TBL1XR1: variants seen among roughly 807,000 people sequenced by gnomAD.
TBL1XR1 encodes the protein TBL1X/Y related 1.
In TBL1XR1, 5 loss-of-function variants were observed where a neutral mutation model predicts 66.9. That is an observed-to-expected ratio of 0.07 (90% CI 0.04 to 0.16). The LOEUF (loss-of-function observed/expected upper bound fraction) is 0.16. TBL1XR1 is among the 10% of genes least tolerant of loss of function. The probability of loss-of-function intolerance (pLI) is 1.00; values close to 1 mark genes in which losing one functional copy is unlikely to be tolerated. For missense variants in TBL1XR1, 238 were observed against 623.2 expected (o/e 0.38, Z 6.58); for synonymous variants, 210 against 206.0 (o/e 1.02, Z -0.17).
rs985105715 is a variant in TBL1XR1 at position 177,098,446 on chromosome 3, T to C, written c.-46+20A>G. 1.1e-4 allele frequency: 105 copies of C among 982,402 alleles called. No homozygotes were observed. Among genetic ancestry groups the C allele is most frequent in the Admixed American group, 2.5e-4 (4 of 16,244 alleles). 60.9% of individuals were successfully genotyped at this position (982,402 alleles called of 1,614,324 possible). ...ACAAGAGAATAAGAAACACTGACAT[T>C]GGGAGTTGGAGAGTCTTACCATTGG... On this transcript the variant is annotated intron_variant, in intron 2 of 15. Coordinates refer to ENST00000457928, the MANE Select transcript of TBL1XR1 (RefSeq NM_024665.7).
chr3:177,049,433 T>C (rs930480409), intron 7 of TBL1XR1, among the ~76,000 whole-genome samples: 2 of 152,196 alleles, frequency 1.3e-5, no homozygotes, highest in Non-Finnish European at 2.9e-5. Flanking sequence ...CAAGTTGTCC[T>C]GAAAGATGTT....
chr3:177,047,468 G>A lies in TBL1XR1; in HGVS notation c.766+18C>T, dbSNP rs776702674. On this transcript the variant is annotated intron_variant, in intron 8 of 15. Transcript: ENST00000457928. ...CTTTAGATCAACAACAAAGTAAAAA[G>A]GAAAATGCTTCATTTACCATCTTTA... The A allele has an allele frequency of 6.2e-7, 1 of 1,611,276 alleles. No homozygotes were observed. Among genetic ancestry groups the A allele is most frequent in the South Asian group, 1.1e-5 (1 of 90,648 alleles).
intron 2 of TBL1XR1, among the ~76,000 whole-genome samples, chr3:177,084,555 T>G (rs1168037877): frequency 6.6e-6 from 1 of 152,260 alleles, no homozygotes; most frequent in African/African-American, 2.4e-5. Flanking sequence ...ATCCTTTTTC[T>G]TGGTTTATAG....
At chr3:177,131,674 G>C (rs1023909769) in intron 1 of TBL1XR1, among the ~76,000 whole-genome samples, 1 of 151,872 alleles carries the variant, frequency 6.6e-6, no homozygotes, top group Non-Finnish European at 1.5e-5. Flanking sequence ...GCTAATTTTT[G>C]TATTCTCAGT....
At chr3:177,078,363 G>A (rs903760042) in intron 2 of TBL1XR1, among the ~76,000 whole-genome samples, 8 of 151,866 alleles carry the variant, frequency 5.3e-5, no homozygotes, top group Non-Finnish European at 1.2e-4. Context: ...GGGCAGAGGC[G>A]GGAGGATCAC....
At chr3:177,166,097 G>A (rs1351520393) in intron 1 of TBL1XR1, among the ~76,000 whole-genome samples, 1 of 151,944 alleles carries the variant, frequency 6.6e-6, no homozygotes, top group Non-Finnish European at 1.5e-5. Context: ...CCAAAAAAAT[G>A]GATCATAGGC....
intron 1 of TBL1XR1, among the ~76,000 whole-genome samples, chr3:177,142,204 C>A: frequency 6.6e-6 from 1 of 152,074 alleles, no homozygotes; most frequent in Non-Finnish European, 1.5e-5. Context: ...TCAGGGTGAA[C>A]CAGTGGTGTT....
In TBL1XR1 at chr3:177,107,728, G is replaced by A. The variant is rs770745410; in HGVS notation, c.-121-9187C>T. 4.6e-5 allele frequency among the ~76,000 whole-genome samples: 7 copies of A among 152,188 alleles called. No individual in the cohort carries two copies. In the South Asian group the frequency reaches 1.0e-3, roughly 23 times the overall value. ...CATGAAACGAAACTACCTTTCTTAA[G>A]ATCTCATATATTATATATATTTCAA... is the stretch of plus-strand genomic sequence containing the variant. On this transcript the variant is annotated intron_variant, in intron 1 of 15. Coordinates refer to ENST00000457928, the MANE Select transcript of TBL1XR1 (RefSeq NM_024665.7).
chr3:177,030,190 T>A (rs1576970010), intron 14 of TBL1XR1, among the ~76,000 whole-genome samples: 1 of 151,994 alleles, frequency 6.6e-6, no homozygotes, highest in African/African-American at 2.4e-5. Context: ...CTTTCATTCA[T>A]GTGCACAAGA....
chr3:177,088,868 A>C (rs1722481029), intron 2 of TBL1XR1, among the ~76,000 whole-genome samples: 1 of 152,226 alleles, frequency 6.6e-6, no homozygotes, highest in Non-Finnish European at 1.5e-5. Flanking sequence ...CTTTCTTCAC[A>C]TTTAATAATA....
At chr3:177,039,603 C>A (rs1485659394) in intron 10 of TBL1XR1, among the ~76,000 whole-genome samples, 1 of 152,138 alleles carries the variant, frequency 6.6e-6, no homozygotes, top group Non-Finnish European at 1.5e-5. Flanking sequence ...TATTGAACAT[C>A]CTTGTCTCCT....
chr3:177,055,810 G>A (rs1453062260), intron 3 of TBL1XR1, among the ~76,000 whole-genome samples: 5 of 152,088 alleles, frequency 3.3e-5, no homozygotes, highest in East Asian at 1.9e-4. Context: ...ACAGCCAAAC[G>A]CCAAGCAGCT....
chr3:177,174,358 G>GA lies in TBL1XR1; in HGVS notation c.-122+22762dup, dbSNP rs1346584261. Among the ~76,000 whole-genome samples the GA allele has an allele frequency of 6.5e-5, 9 of 137,812 alleles. 1 individual carries two copies. The East Asian group carries it at 2.1e-3, about 32-fold the overall frequency. The allele number at this position is 137,812 out of a possible 152,430, so 90.4% of individuals were successfully genotyped here. A position where few individuals can be genotyped will look rare whatever the true frequency, so the allele number is the denominator to read the frequency against. On this transcript the variant is annotated intron_variant, in intron 1 of 15. Transcript: ENST00000457928. Reference sequence around the variant, plus strand: ...CAGGAGGCAGAGCTTGCAGTGAGCTGAGATAGTGCCACTGCACTCCGGCCT... The same window carrying GA: ...CAGGAGGCAGAGCTTGCAGTGAGCTGAAGATAGTGCCACTGCACTCCGGCCT...
At chr3:177,155,068 T>C (rs1362237886) in intron 1 of TBL1XR1, among the ~76,000 whole-genome samples, 1 of 152,118 alleles carries the variant, frequency 6.6e-6, no homozygotes, top group Non-Finnish European at 1.5e-5. Flanking sequence ...TTCTGAAGTA[T>C]ATGAAAAGAG....
At chr3:177,051,816 C>A in intron 4 of TBL1XR1, 90 bp from the exon 5 acceptor site, 1 of 1,382,866 alleles carries the variant, frequency 7.2e-7, no homozygotes. Context: ...AAATGAAAAT[C>A]TTCGTTCCTA....
At chr3:177,069,541 C>T (rs1719604335) in intron 2 of TBL1XR1, among the ~76,000 whole-genome samples, 2 of 151,808 alleles carry the variant, frequency 1.3e-5, no homozygotes, top group African/African-American at 4.8e-5. Flanking sequence ...TGACACCAGC[C>T]TGATCAACAT....
chr3:177,194,474 GAACA>G (rs1041765958), intron 1 of TBL1XR1, among the ~76,000 whole-genome samples: 79 of 152,180 alleles, frequency 5.2e-4, no homozygotes, highest in African/African-American at 1.8e-3. Flanking sequence ...ACCAAAAATT[GAACA>G]AACCCAACAA....
chr3:177,191,832 G>A (rs377213339), intron 1 of TBL1XR1, among the ~76,000 whole-genome samples: 13 of 152,130 alleles, frequency 8.5e-5, no homozygotes, highest in African/African-American at 2.7e-4. Flanking sequence ...TGCCTGGCAC[G>A]GTGGCTCATG....
chr3:177,177,368 CG>C (rs1374218932), intron 1 of TBL1XR1, among the ~76,000 whole-genome samples: 19 of 151,794 alleles, frequency 1.3e-4, no homozygotes, highest in African/African-American at 4.6e-4. Context: ...GAGAATCACT[CG>C]AACCCAGGAG....
Sources: gnomAD v4.1 joint callset for allele counts (sites outside exome capture counted in the v4.1 genomes callset) on GRCh38, gnomAD v4.1.1 for gene constraint, MANE v1.5 for transcripts, NCBI Gene and HGNC (gene_info 2026-07-23, HGNC 2026-07-21) for gene names.